Variants in TMEM163 observed in about 807,000 individuals in gnomAD.
TMEM163 encodes the protein transmembrane protein 163.
A neutral mutation model predicts 29.3 loss-of-function variants in TMEM163; 17 were observed. The observed-to-expected ratio is 0.58, with a 90% confidence interval of 0.40 to 0.87. The LOEUF (loss-of-function observed/expected upper bound fraction) is 0.87, where lower values mean the gene tolerates loss of function less well. TMEM163 is among the 40% of genes least tolerant of loss of function. The pLI, the probability that TMEM163 is intolerant of heterozygous loss-of-function variation, is 0.00. For missense variants in TMEM163, 303 were observed against 381.5 expected (o/e 0.79, Z 1.71); for synonymous variants, 157 against 160.6 (o/e 0.98, Z 0.17).
chr2:134,480,460 T>TTAAAATTAA (rs1338477993), intron 5 of TMEM163, among the ~76,000 whole-genome samples: 1 of 152,234 alleles, frequency 6.6e-6, no homozygotes, highest in Non-Finnish European at 1.5e-5. Flanking sequence ...GTGCTTAAAT[T>TTAAAATTAA]TAAAATTAAT....
At chr2:134,573,768 AGTTTATTTCACT>A (rs1460754399) in intron 2 of TMEM163, among the ~76,000 whole-genome samples, 1 of 152,262 alleles carries the variant, frequency 6.6e-6, no homozygotes, top group African/African-American at 2.4e-5. Flanking sequence ...ACTGAATTTT[AGTTTATTTCACT>A]GTTTTAGGCT....
At chr2:134,517,195 T>C (rs669746) in intron 4 of TMEM163, among the ~76,000 whole-genome samples, 94,232 of 152,000 alleles carry the variant, frequency 0.62, 31,428 homozygotes, top group East Asian at 0.96. Context: ...GGCCAAGTTC[T>C]GTGGACATGA....
At chr2:134,514,561 G>A (rs524913) in intron 4 of TMEM163, among the ~76,000 whole-genome samples, 27,275 of 152,028 alleles carry the variant, frequency 0.18, 2,707 homozygotes, top group South Asian at 0.37. Flanking sequence ...TGCAGTTCAC[G>A]CACAGAGCCA....
At chr2:134,575,060 G>A (rs1357172962) in intron 2 of TMEM163, among the ~76,000 whole-genome samples, 1 of 152,046 alleles carries the variant, frequency 6.6e-6, no homozygotes, top group Non-Finnish European at 1.5e-5. Context: ...GGTGGGGGAA[G>A]GGGACCATGT....
At chr2:134,680,363 T>TAA (rs11301598) in intron 2 of TMEM163, among the ~76,000 whole-genome samples, 3 of 145,062 alleles carry the variant, frequency 2.1e-5, no homozygotes, top group Non-Finnish European at 3.1e-5. Flanking sequence ...ATGAGACCTA[T>TAA]AAAAAAAAAA....
At chr2:134,591,145 C>A (rs1351188668) in intron 2 of TMEM163, among the ~76,000 whole-genome samples, 1 of 152,210 alleles carries the variant, frequency 6.6e-6, no homozygotes, top group Non-Finnish European at 1.5e-5. Context: ...CTTATAAAAG[C>A]CTTTGCATTC....
At chr2:134,715,673 TCC>T (rs1685023564) in intron 1 of TMEM163, among the ~76,000 whole-genome samples, 1 of 152,194 alleles carries the variant, frequency 6.6e-6, no homozygotes, top group Non-Finnish European at 1.5e-5. Context: ...CACAGGTACC[TCC>T]ACACTCATGT....
chr2:134,643,972 T>C (rs2104842008), intron 2 of TMEM163, among the ~76,000 whole-genome samples: 1 of 152,234 alleles, frequency 6.6e-6, no homozygotes, highest in East Asian at 1.9e-4. Context: ...CATATTTTTA[T>C]ACATTGACAA....
intron 2 of TMEM163, among the ~76,000 whole-genome samples, chr2:134,616,113 G>A (rs2104821506): frequency 6.6e-6 from 1 of 152,330 alleles, no homozygotes; most frequent in East Asian, 1.9e-4. Context: ...TCAAGTCAAA[G>A]CAAAAGTGGA....
intron 4 of TMEM163, among the ~76,000 whole-genome samples, chr2:134,522,934 T>C (rs76465921): frequency 0.024 from 3,648 of 152,306 alleles, 141 homozygotes; most frequent in African/African-American, 0.084. Context: ...TTGTGATGCC[T>C]ATTCCCCTCC....
chr2:134,601,392 G>A (rs1372330552), intron 2 of TMEM163, among the ~76,000 whole-genome samples: 2 of 152,138 alleles, frequency 1.3e-5, no homozygotes, highest in Admixed American at 6.5e-5. Context: ...GAACGACATC[G>A]CCAGCGATCC....
At chr2:134,531,321 A>G (rs1680411972) in intron 4 of TMEM163, among the ~76,000 whole-genome samples, 1 of 152,150 alleles carries the variant, frequency 6.6e-6, no homozygotes, top group South Asian at 2.1e-4. Flanking sequence ...CTGAACACCA[A>G]AACATATTGA....
At chr2:134,646,631 G>A (rs1683343921) in intron 2 of TMEM163, among the ~76,000 whole-genome samples, 2 of 151,830 alleles carry the variant, frequency 1.3e-5, no homozygotes, top group Admixed American at 1.3e-4. Flanking sequence ...TATTAATAGA[G>A]ATGGGGTTTC....
chr2:134,482,092 C>T (rs1679204947), intron 5 of TMEM163, among the ~76,000 whole-genome samples: 2 of 152,216 alleles, frequency 1.3e-5, no homozygotes, highest in South Asian at 4.1e-4. Flanking sequence ...AGCTGGTCAT[C>T]AGCCAATAGC....
chr2:134,674,774 C>T (rs1166330863), intron 2 of TMEM163, among the ~76,000 whole-genome samples: 1 of 152,132 alleles, frequency 6.6e-6, no homozygotes, highest in African/African-American at 2.4e-5. Flanking sequence ...CTGCAAAAAC[C>T]ACAATCTTGC....
chr2:134,684,414 A>G (rs1050058380), intron 2 of TMEM163, among the ~76,000 whole-genome samples: 9 of 152,160 alleles, frequency 5.9e-5, no homozygotes, highest in African/African-American at 2.2e-4. Context: ...TTCTGCGAGC[A>G]TGAGTGAAGG....
At chr2:134,457,995 C>A in intron 7 of TMEM163, 37 bp downstream of exon 7, 1 of 1,613,550 alleles carries the variant, frequency 6.2e-7, no homozygotes, top group Non-Finnish European at 8.5e-7. Context: ...ACACTCCTAG[C>A]TGCCAGGAAA....
chr2:134,622,765 CT>C (rs1224211336), intron 2 of TMEM163, among the ~76,000 whole-genome samples: 2 of 151,910 alleles, frequency 1.3e-5, no homozygotes, highest in Non-Finnish European at 2.9e-5. Flanking sequence ...ATCTCCACTT[CT>C]TTTTTTTCTT....
chr2:134,658,324 T>C (rs985625008), intron 2 of TMEM163, among the ~76,000 whole-genome samples: 5 of 152,166 alleles, frequency 3.3e-5, no homozygotes, highest in African/African-American at 1.2e-4. Context: ...ATTCTACTTG[T>C]TTTAGAGAAC....
Sources: allele counts gnomAD v4.1 joint callset (sites outside exome capture counted in the v4.1 genomes callset), GRCh38; gene constraint gnomAD v4.1.1; transcripts MANE v1.5; gene names NCBI Gene and HGNC (gene_info 2026-07-23, HGNC 2026-07-21).